The following NRXN3 variants were observed in gnomAD, a reference collection of about 807,000 sequenced individuals.
NRXN3 encodes neurexin 3, also known as neurexin III.
A neutral mutation model predicts 137.6 loss-of-function variants in NRXN3; 32 were observed. The ratio of observed to expected loss-of-function variants is 0.23; its 90% CI spans 0.18 to 0.31. NRXN3 has a LOEUF of 0.31. NRXN3 is among the 10% of genes least tolerant of loss of function. The probability of loss-of-function intolerance (pLI) is 1.00; values close to 1 mark genes in which losing one functional copy is unlikely to be tolerated. For synonymous variants in NRXN3, 798 were observed against 784.5 expected, an observed-to-expected ratio of 1.02 and a Z score of -0.29; for missense variants, 1,574 against 2,062.5, an observed-to-expected ratio of 0.76 and a Z score of 4.59.
At chr14:79,450,208 C>G (rs1490871192) in intron 15 of NRXN3, among the ~76,000 whole-genome samples, 1 of 151,960 alleles carries the variant, frequency 6.6e-6, no homozygotes, top group Non-Finnish European at 1.5e-5. Context: ...TTTATCTACT[C>G]AGGTATATGT....
chr14:78,543,151 A>G (rs548687859), intron 4 of NRXN3, among the ~76,000 whole-genome samples: 1 of 152,236 alleles, frequency 6.6e-6, no homozygotes, highest in Non-Finnish European at 1.5e-5. Context: ...GGTGATGGTT[A>G]TCTGAGCACC....
intron 8 of NRXN3, among the ~76,000 whole-genome samples, chr14:78,747,416 A>T (rs2098614893): frequency 6.6e-6 from 1 of 152,018 alleles, no homozygotes; most frequent in South Asian, 2.1e-4. Context: ...AGCTTTAGTG[A>T]TCTGCTAAGG....
At chr14:79,254,038 T>G (rs1343032852) in intron 15 of NRXN3, among the ~76,000 whole-genome samples, 2 of 152,200 alleles carry the variant, frequency 1.3e-5, no homozygotes, top group African/African-American at 4.8e-5. Flanking sequence ...TGGATCCATC[T>G]CTCATTATTT....
chr14:78,176,095 T>G (rs1243815452), intron 1 of NRXN3, among the ~76,000 whole-genome samples: 1 of 152,170 alleles, frequency 6.6e-6, no homozygotes, highest in Admixed American at 6.5e-5. Context: ...TGGAGTTTTC[T>G]TCTCTAGCAC....
chr14:79,095,455 A>G (rs2050132943), intron 15 of NRXN3, among the ~76,000 whole-genome samples: 1 of 152,122 alleles, frequency 6.6e-6, no homozygotes, highest in Admixed American at 6.5e-5. Context: ...CAGACTAGAG[A>G]GTTATCAAGG....
chr14:79,627,784 T>C (rs1465210687), intron 16 of NRXN3, among the ~76,000 whole-genome samples: 1 of 152,170 alleles, frequency 6.6e-6, no homozygotes, highest in Non-Finnish European at 1.5e-5. Flanking sequence ...TGAAGTACCA[T>C]GTTTAAGGCT....
chr14:78,304,938 A>C (rs542623817), intron 4 of NRXN3, among the ~76,000 whole-genome samples: 1 of 152,332 alleles, frequency 6.6e-6, no homozygotes, highest in South Asian at 2.1e-4. Context: ...TCTTCTCTGT[A>C]TGTACGTATG....
intron 15 of NRXN3, among the ~76,000 whole-genome samples, chr14:79,088,107 A>G (rs145603586): frequency 1.3e-5 from 2 of 150,140 alleles, no homozygotes; most frequent in African/African-American, 5.1e-5. Context: ...ATGGCGCATG[A>G]TAGGCCAGGG....
intron 4 of NRXN3, among the ~76,000 whole-genome samples, chr14:78,624,831 GTTTGTTTGTT>G (rs1221590690): frequency 3.2e-5 from 4 of 124,618 alleles, no homozygotes; most frequent in African/African-American, 1.3e-4. Context: ...GTGTGTGTGT[GTTTGTTTGTT>G]TGTTTGTTTG....
chr14:78,304,301 T>C (rs773578227), intron 4 of NRXN3, among the ~76,000 whole-genome samples: 1 of 152,220 alleles, frequency 6.6e-6, no homozygotes, highest in Non-Finnish European at 1.5e-5. Context: ...TTCTTAGACA[T>C]TTGTCAGAGA....
chr14:78,796,574 C>T lies in NRXN3; in HGVS notation c.2045-7046C>T, dbSNP rs560288935. ...GCAAACTGGTAAAGCAGCCAGAAGTCGAGTAGAGAGAATCAGGGAATGAGA... is the reference window on the plus strand; with the variant it reads ...GCAAACTGGTAAAGCAGCCAGAAGTTGAGTAGAGAGAATCAGGGAATGAGA... On this transcript the variant is annotated intron_variant, in intron 8 of 20. Transcript: ENST00000335750. Among the ~76,000 whole-genome samples the T allele has an allele frequency of 1.8e-4, 28 of 152,178 alleles. 1 individual carries two copies. Among genetic ancestry groups the T allele is most frequent in the African/African-American group, 6.5e-4 (27 of 41,512 alleles).
intron 16 of NRXN3, among the ~76,000 whole-genome samples, chr14:79,627,947 A>C (rs1183263179): frequency 1.3e-5 from 2 of 152,212 alleles, no homozygotes; most frequent in Non-Finnish European, 2.9e-5. Context: ...TTCATTGTAG[A>C]CTTTAAAAAA....
intron 17 of NRXN3, among the ~76,000 whole-genome samples, chr14:79,691,445 C>T (rs2098716207): frequency 6.6e-6 from 1 of 151,930 alleles, no homozygotes; most frequent in Non-Finnish European, 1.5e-5. Context: ...CAAAAGTCTA[C>T]AAATGTTGTA....
At chr14:78,443,878 T>A (rs952302712) in intron 4 of NRXN3, among the ~76,000 whole-genome samples, 1 of 152,258 alleles carries the variant, frequency 6.6e-6, no homozygotes, top group East Asian at 1.9e-4. Context: ...GTAACCACAC[T>A]GTCATCAGGG....
chr14:79,500,000 CGAAT>C (rs2096805531), intron 16 of NRXN3, among the ~76,000 whole-genome samples: 30 of 134,942 alleles, frequency 2.2e-4, no homozygotes, highest in Admixed American at 2.2e-3. Context: ...TGTTAAAGGA[CGAAT>C]AAAGTAAATA....
intron 15 of NRXN3, among the ~76,000 whole-genome samples, chr14:79,379,947 G>A (rs2094417709): frequency 6.6e-6 from 1 of 151,818 alleles, no homozygotes. Context: ...TATAAGGCCA[G>A]TGTATAGGTG....
At chr14:78,758,508 ATCC>A (rs1418970984) in intron 8 of NRXN3, among the ~76,000 whole-genome samples, 1 of 152,148 alleles carries the variant, frequency 6.6e-6, no homozygotes, top group Non-Finnish European at 1.5e-5. Context: ...TGTGTGTTTT[ATCC>A]TCCTCTGGTG....
At chr14:78,405,627 G>A (rs1051434928) in intron 4 of NRXN3, among the ~76,000 whole-genome samples, 4 of 147,596 alleles carry the variant, frequency 2.7e-5, no homozygotes, top group African/African-American at 1.0e-4. Flanking sequence ...GGGGTTCCGG[G>A]TATCTGATGA....
chr14:78,885,135 A>G lies in NRXN3; in HGVS notation c.2276-72107A>G, dbSNP rs996083555. ...AAATATATAAATATAAATTACATAT[A>G]TAAAATATATAAATATAAATTACAT... is the stretch of plus-strand genomic sequence containing the variant. On this transcript the variant is annotated intron_variant, in intron 10 of 20. Coordinates refer to ENST00000335750, the MANE Select transcript of NRXN3 (RefSeq NM_001330195.2). Among the ~76,000 whole-genome samples, 4 of 148,480 alleles carry G rather than the reference A, an allele frequency of 2.7e-5. No individual in the cohort carries two copies. In the Admixed American group the frequency reaches 2.7e-4, roughly 10 times the overall value.
Sources: gnomAD v4.1 joint callset for allele counts (sites outside exome capture counted in the v4.1 genomes callset) on GRCh38, gnomAD v4.1.1 for gene constraint, MANE v1.5 for transcripts, NCBI Gene and HGNC (gene_info 2026-07-23, HGNC 2026-07-21) for gene names.